The following RPS6KA6 variants were observed in gnomAD, a reference collection of about 807,000 sequenced individuals.
RPS6KA6 encodes ribosomal protein S6 kinase alpha-6.
A neutral mutation model predicts 65.4 loss-of-function variants in RPS6KA6; 27 were observed. The observed-to-expected ratio is 0.41, with a 90% CI of 0.30 to 0.57. The LOEUF is 0.57. RPS6KA6 is among the 20% of genes least tolerant of loss of function. The pLI, the probability that RPS6KA6 is intolerant of heterozygous loss-of-function variation, is 0.24. For missense variants in RPS6KA6, 486 were observed against 555.6 expected (o/e 0.87, Z 1.26); for synonymous variants, 190 against 184.2 (o/e 1.03, Z -0.26).
chrX:84,140,730 T>C (rs1238618765), intron 6 of RPS6KA6, among the ~76,000 whole-genome samples: 2 of 37,836 alleles, frequency 5.3e-5, no homozygotes, highest in Non-Finnish European at 1.0e-4. Flanking sequence ...TGAGACTCCA[T>C]CTCAAAAAAA....
intron 1 of RPS6KA6, among the ~76,000 whole-genome samples, chrX:84,177,376 A>G (rs2035787823): frequency 1.8e-5 from 2 of 111,613 alleles, no homozygotes; most frequent in South Asian, 7.5e-4. Flanking sequence ...TACATATATT[A>G]TATGCTACTG....
intron 20 of RPS6KA6, among the ~76,000 whole-genome samples, chrX:84,087,279 T>C (rs961924003): frequency 4.5e-5 from 5 of 111,863 alleles, no homozygotes; most frequent in African/African-American, 9.8e-5. Flanking sequence ...TGTGTTTTTG[T>C]AGTGGCTGGT....
At chrX:84,175,609 C>T (rs189114261) in intron 1 of RPS6KA6, among the ~76,000 whole-genome samples, 49 of 110,794 alleles carry the variant, frequency 4.4e-4, no homozygotes, top group African/African-American at 1.5e-3. Context: ...AGGAGGAAAT[C>T]GGGTATTAAT....
intron 19 of RPS6KA6, 86 bp downstream of exon 19, chrX:84,097,682 AAGTT>A (rs2034183107): frequency 1.9e-6 from 1 of 532,489 alleles, no homozygotes; most frequent in Non-Finnish European, 3.1e-6. Context: ...ATTTTCCTTA[AAGTT>A]ATTTTAATCT....
chrX:84,136,013 G>A (rs959550882), intron 6 of RPS6KA6, among the ~76,000 whole-genome samples: 1 of 111,295 alleles, frequency 9.0e-6, no homozygotes, highest in Non-Finnish European at 1.9e-5. Flanking sequence ...CAAGGTTGTC[G>A]TAAGAATCAA....
chrX:84,085,099 T>G (rs1044218527), intron 20 of RPS6KA6, among the ~76,000 whole-genome samples: 1 of 112,019 alleles, frequency 8.9e-6, no homozygotes, highest in Admixed American at 9.5e-5. Context: ...AAGAAGCTTT[T>G]GGGCTGAGAC....
intron 1 of RPS6KA6, among the ~76,000 whole-genome samples, chrX:84,175,576 C>T (rs182105502): frequency 9.0e-6 from 1 of 111,244 alleles, no homozygotes; most frequent in African/African-American, 3.3e-5. Flanking sequence ...CGAGGCTCTA[C>T]TTTCTTGATG....
rs541860080 is a variant in RPS6KA6, at chrX:84,083,812, G to C, written c.1971+12382C>G. The stretch of plus-strand genomic sequence containing the variant: ...GAAACACCACGCTGTCTTCCATAAT[G>C]GTTGAACAAATTTACATTCCAACCA... On this transcript the variant is annotated intron_variant, in intron 20 of 21. Coordinates refer to ENST00000262752, the MANE Select transcript of RPS6KA6 (RefSeq NM_014496.5). 5.4e-5 allele frequency among the ~76,000 whole-genome samples: 6 copies of C among 112,082 alleles called. No individual in the cohort carries two copies. The South Asian group carries it at 2.2e-3, about 41-fold the overall frequency.
intron 1 of RPS6KA6, among the ~76,000 whole-genome samples, chrX:84,165,339 C>T (rs752296407): frequency 3.6e-5 from 4 of 110,719 alleles, no homozygotes; most frequent in African/African-American, 1.3e-4. Flanking sequence ...GCTCATAAGC[C>T]TATCTCCCCC....
intron 20 of RPS6KA6, among the ~76,000 whole-genome samples, chrX:84,069,799 A>G (rs2033492294): frequency 8.9e-6 from 1 of 112,594 alleles, no homozygotes; most frequent in Non-Finnish European, 1.9e-5. Flanking sequence ...GGCCAAAAAC[A>G]TATGAAAAAA....
chrX:84,120,845 A>G lies in RPS6KA6; in HGVS notation c.647-818T>C, dbSNP rs1367649780. ...TGTATAAAAAAGTCAAGAAAATAAA[A>G]TAGTCCAAACAATTTTGAAAAGGAA... On this transcript the variant is annotated intron_variant, in intron 8 of 21. Coordinates refer to ENST00000262752, the MANE Select transcript of RPS6KA6 (RefSeq NM_014496.5). 1.3e-4 allele frequency among the ~76,000 whole-genome samples: 15 copies of G among 111,948 alleles called. No homozygotes were observed. In the Admixed American group the frequency reaches 1.4e-3, roughly 11 times the overall value.
At chrX:84,179,038 TG>T (rs2035808997) in intron 1 of RPS6KA6, among the ~76,000 whole-genome samples, 1 of 111,704 alleles carries the variant, frequency 9.0e-6, no homozygotes, top group South Asian at 3.7e-4. Context: ...GACTTGCATT[TG>T]GAATATAAAG....
At chrX:84,182,881 T>C (rs1295758189) in intron 1 of RPS6KA6, among the ~76,000 whole-genome samples, 1 of 112,315 alleles carries the variant, frequency 8.9e-6, no homozygotes, top group Admixed American at 9.4e-5. Flanking sequence ...ATTTTCAGAA[T>C]AGGACTCTGT....
At chrX:84,080,878 C>T (rs1367611107) in intron 20 of RPS6KA6, among the ~76,000 whole-genome samples, 1 of 111,512 alleles carries the variant, frequency 9.0e-6, no homozygotes, top group Non-Finnish European at 1.9e-5. Context: ...CGAATGGCTA[C>T]TGGGTAAATA....
At chrX:84,127,876 G>T (rs2034825299) in intron 8 of RPS6KA6, among the ~76,000 whole-genome samples, 1 of 110,680 alleles carries the variant, frequency 9.0e-6, no homozygotes, top group Non-Finnish European at 1.9e-5. Flanking sequence ...ATACTGAATT[G>T]GGAAAAACTG....
At chrX:84,146,306 T>C (rs1227517853) in intron 5 of RPS6KA6, among the ~76,000 whole-genome samples, 1 of 111,877 alleles carries the variant, frequency 8.9e-6, no homozygotes, top group Non-Finnish European at 1.9e-5. Flanking sequence ...TTTAATGTAT[T>C]ATTTGTCAAA....
At position 84,061,690 on chromosome X, in the gene RPS6KA6, A is replaced by G. The variant is rs1283092799; in HGVS notation, c.*2587T>C. On this transcript the variant is annotated 3_prime_UTR_variant, in exon 22 of 22. Coordinates refer to ENST00000262752, the MANE Select transcript of RPS6KA6 (RefSeq NM_014496.5). ...AATTCAATATCCTCCCCCTTCAAGAACAATAAAACCCCAAACTGTGCTATC... is the reference window on the plus strand; with the variant it reads ...AATTCAATATCCTCCCCCTTCAAGAGCAATAAAACCCCAAACTGTGCTATC... 1 of 111,676 alleles carries G rather than the reference A, an allele frequency of 9.0e-6. No homozygotes were observed. The highest frequency in any genetic ancestry group is 1.9e-5 in the Non-Finnish European group (1 of 53,048). The allele number at this position is 111,676 out of a possible 1,213,427, so 9.2% of individuals were successfully genotyped here. A position where few individuals can be genotyped will look rare whatever the true frequency, so the allele number is the denominator to read the frequency against.
intron 12 of RPS6KA6, among the ~76,000 whole-genome samples, chrX:84,110,039 T>A (rs762730614): frequency 9.0e-6 from 1 of 111,273 alleles, no homozygotes; most frequent in South Asian, 3.8e-4. Flanking sequence ...GCATTACCCA[T>A]TGGCAAACAG....
At chrX:84,074,664 T>C (rs1464094682) in intron 20 of RPS6KA6, among the ~76,000 whole-genome samples, 1 of 111,562 alleles carries the variant, frequency 9.0e-6, no homozygotes. Context: ...TAATTAAAAA[T>C]AAATCTTAAG....
Sources: gnomAD v4.1 joint callset for allele counts (sites outside exome capture counted in the v4.1 genomes callset) on GRCh38, gnomAD v4.1.1 for gene constraint, MANE v1.5 for transcripts, NCBI Gene and HGNC (gene_info 2026-07-23, HGNC 2026-07-21) for gene names.